WDR13: variants seen among roughly 807,000 people sequenced by gnomAD.
WDR13 encodes the protein WD repeat-containing protein 13.
A neutral mutation model predicts 28.6 loss-of-function variants in WDR13; 1 was observed. That is an observed-to-expected ratio of 0.03 (90% CI 0.01 to 0.17). The LOEUF is 0.17. WDR13 is among the 10% of genes least tolerant of loss of function. The pLI, the probability that WDR13 is intolerant of heterozygous loss-of-function variation, is 1.00. For synonymous variants in WDR13, 201 were observed against 185.9 expected, an observed-to-expected ratio of 1.08 and a Z score of -0.66; for missense variants, 264 against 469.3, an observed-to-expected ratio of 0.56 and a Z score of 4.04.
intron 6 of WDR13, among the ~76,000 whole-genome samples, chrX:48,601,061 C>T (rs1485325895): frequency 3.6e-5 from 4 of 111,726 alleles, no homozygotes; most frequent in Non-Finnish European, 5.7e-5. Flanking sequence ...CACCACTGGG[C>T]GACAGAGCGA....
rs781835584 is a variant in WDR13 at position 48,606,861 on chromosome X, G to A, written c.*1829G>A. On this transcript the variant is annotated 3_prime_UTR_variant, in exon 10 of 10. Transcript: ENST00000376729. ...CTGAGCTGCTGAACTCGCACCAACA[G>A]TCTTGTTGGAGGGAAATAATCTCCC... 9 of 112,130 alleles carry A rather than the reference G, an allele frequency of 8.0e-5. No homozygotes were observed. The East Asian group carries it at 2.5e-3, about 31-fold the overall frequency. The allele number at this position is 112,130 out of a possible 1,213,427, so 9.2% of individuals were successfully genotyped here.
At chrX:48,598,137 C>A in intron 2 of WDR13, 100 bp downstream of exon 2, 1 of 1,145,727 alleles carries the variant, frequency 8.7e-7, no homozygotes, top group East Asian at 3.4e-5. Flanking sequence ...TATGCGGCTG[C>A]GTGGGCATGC....
At position 48,600,569 on chromosome X, in the gene WDR13, C is replaced by T. The variant is rs781954624; in HGVS notation, c.774C>T (p.Pro258=). Residue 258 remains proline (P), a synonymous_variant, in exon 6 of 10, where the codon CCC becomes CCT. Transcript: ENST00000376729. ...GCTGCATCCGAGAGATCCCTGACCCCGATAGCGCTGAACTGCTCTGCTGCA... is the reference window on the plus strand; with the variant it reads ...GCTGCATCCGAGAGATCCCTGACCCTGATAGCGCTGAACTGCTCTGCTGCA... The part of the protein sequence containing the change: ...DGRCIREIPD[P]DSAELLCCTF... The T allele has an allele frequency of 1.3e-5, 16 of 1,210,184 alleles. No individual in the cohort carries two copies. Among genetic ancestry groups the T allele is most frequent in the East Asian group, 3.0e-5 (1 of 33,741 alleles).
rs2062167290 is a variant in WDR13, at chrX:48,599,400, T to C, written c.330T>C (p.Arg110=). 2.5e-6 allele frequency: 3 copies of C among 1,210,454 alleles called. No homozygotes were observed. The highest frequency in any genetic ancestry group is 3.4e-6 in the Non-Finnish European group (3 of 894,629). The stretch of plus-strand genomic sequence containing the variant: ...CCCTGGGGGCCCGTGGGCACCGTCG[T>C]TCTGTCAGCAGAGGCTCCTACCAGC... ...PRALGARGHR[R]SVSRGSYQLQ... The change falls in exon 4 of 10, where the codon CGT becomes CGC. Residue 110 remains arginine, a synonymous_variant. Coordinates refer to ENST00000376729, the MANE Select transcript of WDR13 (RefSeq NM_001347217.2).
chrX:48,599,529 C>A, intron 4 of WDR13, 58 bp from the exon 5 acceptor site: 1 of 1,208,280 alleles, frequency 8.3e-7, no homozygotes, highest in Non-Finnish European at 1.1e-6. Flanking sequence ...GGGGCAATGG[C>A]AGACTGAACA....
At position 48,600,465 on chromosome X, in the gene WDR13, G is replaced by A. The variant is rs782187834; in HGVS notation, c.670G>A (p.Ala224Thr). ...RGHTRGVSDFAWSLSNDILVS... is the reference protein window; with the variant it reads ...RGHTRGVSDFTWSLSNDILVS... ...CCACACCCGTGGTGTCTCCGACTTC[G>A]CCTGGTCCCTCTCCAATGACATCCT... The change falls in exon 6 of 10, where the codon GCC (alanine) becomes ACC (threonine). Residue 224 changes from alanine (A) to threonine (T), a missense_variant. Around this residue, in one of 4 missense-constraint regions of WDR13, gnomAD observed 157 missense variants for 270.2 expected, o/e 0.58. Coordinates refer to ENST00000376729, the MANE Select transcript of WDR13 (RefSeq NM_001347217.2). 9.9e-6 allele frequency: 12 copies of A among 1,212,266 alleles called. No homozygotes were observed. Among genetic ancestry groups the A allele is most frequent in the Non-Finnish European group, 1.2e-5 (11 of 895,670 alleles).
rs1460375963 is a variant in WDR13 at position 48,606,009 on chromosome X, C to G, written c.*977C>G. The G allele has an allele frequency of 9.1e-6, 1 of 110,048 alleles. No homozygotes were observed. The highest frequency in any genetic ancestry group is 1.9e-5 in the Non-Finnish European group (1 of 52,755). The allele number at this position is 110,048 out of a possible 1,213,427, so 9.1% of individuals were successfully genotyped here. A position where few individuals can be genotyped will look rare whatever the true frequency, so the allele number is the denominator to read the frequency against. ...TTGTGTATGCCAGAGTCTTGCTGGA[C>G]CAGAGTGTGACAGTACATGAGGTCA... On this transcript the variant is annotated 3_prime_UTR_variant, in exon 10 of 10. Transcript: ENST00000376729.
At chrX:48,603,084 T>G (rs1186976313) in intron 8 of WDR13, among the ~76,000 whole-genome samples, 1 of 111,890 alleles carries the variant, frequency 8.9e-6, no homozygotes, top group African/African-American at 3.2e-5. Flanking sequence ...GGCATGATCA[T>G]GGCTCACTGC....
rs2062229342 is a variant in WDR13 at position 48,607,587 on chromosome X, T to G, written c.*2555T>G. Reference sequence around the variant, plus strand: ...TTCACCATGTTGGCCAGGCTGATCTTGAACTCCTGACCTCAAGTGATCCTC... The same window carrying G: ...TTCACCATGTTGGCCAGGCTGATCTGGAACTCCTGACCTCAAGTGATCCTC... On this transcript the variant is annotated 3_prime_UTR_variant, in exon 10 of 10. Coordinates refer to ENST00000376729, the MANE Select transcript of WDR13 (RefSeq NM_001347217.2). The G allele has an allele frequency of 9.3e-6, 1 of 107,549 alleles. No homozygotes were observed. Among genetic ancestry groups the G allele is most frequent in the African/African-American group, 3.4e-5 (1 of 29,369 alleles). 8.9% of individuals were successfully genotyped at this position (107,549 alleles called of 1,213,427 possible).
At chrX:48,600,272 G>A in intron 5 of WDR13, 47 bp from the exon 6 acceptor site, 1 of 1,149,640 alleles carries the variant, frequency 8.7e-7, no homozygotes, top group Non-Finnish European at 1.2e-6. Flanking sequence ...AGAGAAAAGT[G>A]CCCAGTGAGT....
rs368604619 is a variant in WDR13, at chrX:48,598,726, G to A, written c.51G>A (p.Ala17=). The A allele has an allele frequency of 9.0e-5, 107 of 1,189,130 alleles. No homozygotes were observed. The highest frequency in any genetic ancestry group is 1.2e-4 in the Non-Finnish European group (103 of 884,346). ...QVLAVDARYN[A]YRTPTFPQFR... is the part of the protein sequence containing the mutation. ...CATCCTGACCCTGCAGGTACAACGCGTACCGCACACCAACGTTTCCACAGT... is the reference window on the plus strand; with the variant it reads ...CATCCTGACCCTGCAGGTACAACGCATACCGCACACCAACGTTTCCACAGT... The change falls in exon 3 of 10, where the codon GCG becomes GCA. Residue 17 remains alanine, a synonymous_variant. Transcript: ENST00000376729.
Position 48,605,079 on chromosome X carries a change from C to T in WDR13, c.*47C>T. The T allele has an allele frequency of 4.3e-6, 5 of 1,162,307 alleles. No homozygotes were observed. Among genetic ancestry groups the T allele is most frequent in the Non-Finnish European group, 5.8e-6 (5 of 864,513 alleles). The stretch of plus-strand genomic sequence containing the variant: ...GTCCTCCATCCCACCCCTCTTACTC[C>T]AGCCTCGTGTTGTAAATAAAGTTTC... On this transcript the variant is annotated 3_prime_UTR_variant, in exon 10 of 10. Transcript: ENST00000376729.
chrX:48,598,390 C>A, intron 2 of WDR13: 10 of 1,011,759 alleles, frequency 9.9e-6, no homozygotes, highest in Non-Finnish European at 1.2e-5. Context: ...CCAACGCTGA[C>A]CCCCATAATG....
rs1485132739 is a variant in WDR13 at position 48,608,275 on chromosome X, C to T, written c.*3243C>T. The T allele has an allele frequency of 9.1e-6, 1 of 110,258 alleles. No homozygotes were observed. The highest frequency in any genetic ancestry group is 1.9e-5 in the Non-Finnish European group (1 of 52,899). 9.1% of individuals were successfully genotyped at this position (110,258 alleles called of 1,213,427 possible). On this transcript the variant is annotated 3_prime_UTR_variant, in exon 10 of 10. Transcript: ENST00000376729. Reference sequence around the variant, plus strand: ...AGTAGCTGGGACCACAGACATGCACCACCATGACCCCAGCTGATTTTTGCA... The same window carrying T: ...AGTAGCTGGGACCACAGACATGCACTACCATGACCCCAGCTGATTTTTGCA...
rs782495136 is a variant in WDR13, at chrX:48,598,420, C to T, written c.42-297C>T. 1.6e-4 allele frequency: 166 copies of T among 1,009,921 alleles called. No homozygotes were observed. In the African/African-American group the frequency reaches 3.1e-3, roughly 19 times the overall value. 83.2% of individuals were successfully genotyped at this position (1,009,921 alleles called of 1,213,427 possible). A position where few individuals can be genotyped will look rare whatever the true frequency, so the allele number is the denominator to read the frequency against. On this transcript the variant is annotated intron_variant, in intron 2 of 9. Coordinates refer to ENST00000376729, the MANE Select transcript of WDR13 (RefSeq NM_001347217.2). Reference sequence around the variant, plus strand: ...ATAATGTCAGTCTGATTTCTGTCGCCCTGGTATACTGACCCTAATTATTGT... The same window carrying T: ...ATAATGTCAGTCTGATTTCTGTCGCTCTGGTATACTGACCCTAATTATTGT...
At position 48,608,503 on chromosome X, in the gene WDR13, G is replaced by A. The variant is rs1345491014; in HGVS notation, c.*3471G>A. Reference sequence around the variant, plus strand: ...ACACCACCCAAGGGCCAACCTTGAAGCAGGCCTTTCCAAGGATCGCAGTTG... The same window carrying A: ...ACACCACCCAAGGGCCAACCTTGAAACAGGCCTTTCCAAGGATCGCAGTTG... On this transcript the variant is annotated 3_prime_UTR_variant, in exon 10 of 10. Coordinates refer to ENST00000376729, the MANE Select transcript of WDR13 (RefSeq NM_001347217.2). 1 of 112,349 alleles carries A rather than the reference G, an allele frequency of 8.9e-6. No individual in the cohort carries two copies. The highest frequency in any genetic ancestry group is 1.9e-5 in the Non-Finnish European group (1 of 53,286). The allele number at this position is 112,349 out of a possible 1,213,427, so 9.3% of individuals were successfully genotyped here. A position where few individuals can be genotyped will look rare whatever the true frequency, so the allele number is the denominator to read the frequency against.
rs1412050138 is a variant in WDR13 at position 48,606,350 on chromosome X, C to T, written c.*1318C>T. The T allele has an allele frequency of 9.0e-6, 1 of 110,589 alleles. No individual in the cohort carries two copies. The highest frequency in any genetic ancestry group is 3.3e-5 in the African/African-American group (1 of 30,313). The allele number at this position is 110,589 out of a possible 1,213,427, so 9.1% of individuals were successfully genotyped here. ...TGCTGCCTCCTCAGGGGGCGATATT[C>T]CCAACCCTTCTGTGCATTGTGTTGT... On this transcript the variant is annotated 3_prime_UTR_variant, in exon 10 of 10. Coordinates refer to ENST00000376729, the MANE Select transcript of WDR13 (RefSeq NM_001347217.2).
At position 48,598,749 on chromosome X, in the gene WDR13, A is replaced by G; in HGVS notation, c.74A>G (p.Gln25Arg). 1 of 1,192,514 alleles carries G rather than the reference A, an allele frequency of 8.4e-7. No individual in the cohort carries two copies. Among genetic ancestry groups the G allele is most frequent in the South Asian group, 1.8e-5 (1 of 56,358 alleles). ...GCGTACCGCACACCAACGTTTCCAC[A>G]GTTTCGGACGCAGTATATCCGCCGG... The part of the protein sequence containing the change: ...YNAYRTPTFP[Q>R]FRTQYIRRRS... Residue 25 changes from glutamine (Q) to arginine (R), a missense_variant, in exon 3 of 10, where the codon CAG (glutamine) becomes CGG (arginine). By Grantham distance (43) the Gln-to-Arg change is conservative. Transcript: ENST00000376729.
intron 3 of WDR13, 21 bp downstream of exon 3, chrX:48,598,978 A>G: frequency 8.5e-7 from 1 of 1,179,782 alleles, no homozygotes; most frequent in East Asian, 3.0e-5. Context: ...GGCCACATTC[A>G]CCCCCGGGCA....
Sources: allele counts gnomAD v4.1 joint callset (sites outside exome capture counted in the v4.1 genomes callset), GRCh38; gene constraint gnomAD v4.1.1; regional missense constraint gnomAD v4.1.1; transcripts MANE v1.5; gene names NCBI Gene and HGNC (gene_info 2026-07-23, HGNC 2026-07-21).